The following DDX60L variants were observed in gnomAD, a reference collection of about 807,000 sequenced individuals.
DDX60L encodes the protein DExD/H-box 60 like.
DDX60L carries 191 observed loss-of-function variants against 211.6 expected under a neutral mutation model. That is an observed-to-expected ratio of 0.90 (90% CI 0.80 to 1.02). DDX60L has a LOEUF of 1.02. Among genes scored for constraint, DDX60L ranks in the 50% least tolerant of loss-of-function variants. The probability of loss-of-function intolerance (pLI) is 0.00; values close to 1 mark genes in which losing one functional copy is unlikely to be tolerated. For synonymous variants in DDX60L, 706 were observed against 694.1 expected, an observed-to-expected ratio of 1.02 and a Z score of -0.27; for missense variants, 2,007 against 1,984.1, an observed-to-expected ratio of 1.01 and a Z score of -0.22.
intron 13 of DDX60L, among the ~76,000 whole-genome samples, chr4:168,429,571 G>C (rs986509379): frequency 6.6e-6 from 1 of 152,152 alleles, no homozygotes; most frequent in Non-Finnish European, 1.5e-5. Context: ...TAGAATACTA[G>C]ATTTTATGTA....
chr4:168,423,515 C>G (rs1443648954), intron 15 of DDX60L, 93 bp downstream of exon 15: 22 of 890,102 alleles, frequency 2.5e-5, no homozygotes, highest in Non-Finnish European at 3.2e-5. Flanking sequence ...ATTGATAACT[C>G]TATATGTGAG....
chr4:168,478,742 G>C (rs1297449806), intron 1 of DDX60L, among the ~76,000 whole-genome samples: 3 of 152,324 alleles, frequency 2.0e-5, no homozygotes, highest in South Asian at 4.1e-4. Flanking sequence ...GTCGGAGTCT[G>C]TCTAAAGTAG....
intron 6 of DDX60L, among the ~76,000 whole-genome samples, 188 bp from the exon 7 acceptor site, chr4:168,456,340 T>C (rs148987006): frequency 6.6e-6 from 1 of 152,018 alleles, no homozygotes; most frequent in East Asian, 1.9e-4. Context: ...TTACAACCAA[T>C]ATGCCAGAGA....
At chr4:168,422,132 T>G (rs1750733681) in intron 16 of DDX60L, among the ~76,000 whole-genome samples, 1 of 152,236 alleles carries the variant, frequency 6.6e-6, no homozygotes, top group African/African-American at 2.4e-5. Context: ...GTTTTACATT[T>G]TGGCCTAGAG....
At chr4:168,439,244 A>G (rs141420605) in intron 10 of DDX60L, among the ~76,000 whole-genome samples, 299 of 152,240 alleles carry the variant, frequency 2.0e-3, no homozygotes, top group African/African-American at 6.7e-3. Flanking sequence ...ATGAATCTGG[A>G]TGTTGTTGTA....
At chr4:168,468,251 T>G (rs928357566) in intron 4 of DDX60L, among the ~76,000 whole-genome samples, 1 of 152,032 alleles carries the variant, frequency 6.6e-6, no homozygotes. Context: ...CTTAAAATAT[T>G]AGCAAATCAA....
chr4:168,408,956 C>A (rs564256119), intron 22 of DDX60L, among the ~76,000 whole-genome samples: 1 of 152,184 alleles, frequency 6.6e-6, no homozygotes, highest in African/African-American at 2.4e-5. Context: ...CCTTTACATT[C>A]TTCTCCTGTT....
At chr4:168,448,816 CA>C (rs750056980) in intron 8 of DDX60L, 37 bp from the exon 9 acceptor site, 1 of 1,576,100 alleles carries the variant, frequency 6.3e-7, no homozygotes, top group Non-Finnish European at 8.6e-7. Context: ...AGCAGGGAGG[CA>C]TGGAATAATT....
rs201551535 is a variant in DDX60L, at chr4:168,395,125, CA to C, written c.3658-509del. Among the ~76,000 whole-genome samples the C allele has an allele frequency of 9.1e-3, 1,383 of 152,148 alleles. 11 individuals are homozygous for C. The highest frequency in any genetic ancestry group is 0.016 in the Non-Finnish European group (1,060 of 67,996). ...CCTCAGGAGGAAATCCAGCAGTTGG[CA>C]AAGATGTCAAAGGTAAAAATGTATT... On this transcript the variant is annotated intron_variant, in intron 27 of 37. Coordinates refer to ENST00000682922, the MANE Select transcript of DDX60L (RefSeq NM_001012967.3).
intron 1 of DDX60L, among the ~76,000 whole-genome samples, chr4:168,473,265 C>A (rs1190138738): frequency 1.3e-5 from 2 of 152,200 alleles, no homozygotes; most frequent in African/African-American, 4.8e-5. Context: ...ATCTTCAGAG[C>A]TAAACTCAGC....
chr4:168,459,987 T>C (rs990059457), intron 5 of DDX60L, among the ~76,000 whole-genome samples: 1 of 152,232 alleles, frequency 6.6e-6, no homozygotes, highest in Non-Finnish European at 1.5e-5. Flanking sequence ...CAAAACATGA[T>C]AAATTGTAGT....
In DDX60L at chr4:168,420,346, T is replaced by A. The variant is rs1336820063; in HGVS notation, c.2429A>T (p.Asn810Ile). 1.3e-5 allele frequency: 21 copies of A among 1,611,038 alleles called. No individual in the cohort carries two copies. Among genetic ancestry groups the A allele is most frequent in the Non-Finnish European group, 1.8e-5 (21 of 1,179,312 alleles). The change falls in exon 18 of 38, where the codon AAT becomes ATT. Residue 810 changes from asparagine to isoleucine, a missense_variant. Transcript: ENST00000682922. ...LVGQVAATVE[N>I]RFTKTLPAGR... is the part of the protein sequence containing the mutation. The stretch of plus-strand genomic sequence containing the variant: ...GGCAGGCAACGTTTTAGTAAAACGA[T>A]TCTCAACAGTTGCAGCCACTTGACC...
At chr4:168,450,110 C>T (rs1042240355) in intron 8 of DDX60L, among the ~76,000 whole-genome samples, 6 of 152,268 alleles carry the variant, frequency 3.9e-5, no homozygotes, top group African/African-American at 7.2e-5. Flanking sequence ...GAAATTATGG[C>T]TTAGGAGTCA....
intron 4 of DDX60L, among the ~76,000 whole-genome samples, chr4:168,464,443 A>ATT (rs34052527): frequency 0.29 from 39,899 of 138,732 alleles, 7,356 homozygotes; most frequent in East Asian, 0.61. Context: ...TTATAATTGT[A>ATT]TTTTTTTTTT....
intron 22 of DDX60L, among the ~76,000 whole-genome samples, chr4:168,412,538 C>G (rs1748861753): frequency 6.6e-6 from 1 of 151,514 alleles, no homozygotes; most frequent in Non-Finnish European, 1.5e-5. Flanking sequence ...GTAGATAGAT[C>G]CTGACTCCAA....
At chr4:168,423,847 G>A (rs1751045022) in intron 14 of DDX60L, 73 bp from the exon 15 acceptor site, 5 of 984,618 alleles carry the variant, frequency 5.1e-6, no homozygotes, top group Non-Finnish European at 5.8e-6. Flanking sequence ...GACAATCATT[G>A]AGTTAATCAA....
rs556930388 is a variant in DDX60L, at chr4:168,376,230, T to A, written c.4486-706A>T. Among the ~76,000 whole-genome samples the A allele has an allele frequency of 2.6e-5, 4 of 152,350 alleles. No individual in the cohort carries two copies. The East Asian group carries it at 7.7e-4, about 29-fold the overall frequency. ...GGGTTTTATTATTTATTTGATATTT[T>A]CCTTAATTTATTCATAACCTGTACT... On this transcript the variant is annotated intron_variant, in intron 33 of 37. Coordinates refer to ENST00000682922, the MANE Select transcript of DDX60L (RefSeq NM_001012967.3).
intron 37 of DDX60L, among the ~76,000 whole-genome samples, chr4:168,359,793 A>C (rs1738792213): frequency 1.3e-5 from 2 of 152,108 alleles, no homozygotes; most frequent in Non-Finnish European, 1.5e-5. Context: ...CAAAGACTCC[A>C]CACTCACTTC....
chr4:168,478,410 T>C (rs1455087909), intron 1 of DDX60L, among the ~76,000 whole-genome samples: 1 of 152,198 alleles, frequency 6.6e-6, no homozygotes, highest in African/African-American at 2.4e-5. Context: ...GGGAACTAAC[T>C]AGAGCATAAG....
Sources: gnomAD v4.1 joint callset for allele counts (sites outside exome capture counted in the v4.1 genomes callset) on GRCh38, gnomAD v4.1.1 for gene constraint, MANE v1.5 for transcripts, NCBI Gene and HGNC (gene_info 2026-07-23, HGNC 2026-07-21) for gene names.